FOXN3: variants seen among roughly 807,000 people sequenced by gnomAD.
FOXN3 encodes forkhead box N3, also known as forkhead box protein N3.
Under a neutral mutation model 38.4 loss-of-function variants are expected in FOXN3, and 7 were observed. The observed-to-expected ratio is 0.18, with a 90% confidence interval of 0.10 to 0.34. The LOEUF is 0.34. Ranked by LOEUF, FOXN3 falls within the 10% of genes least tolerant of loss-of-function variation. FOXN3 has a pLI of 1.00. For synonymous variants in FOXN3, 230 were observed against 242.2 expected (o/e 0.95, Z 0.47); for missense variants, 456 against 613.4 (o/e 0.74, Z 2.71).
At chr14:89,308,593 G>A (rs983089609) in intron 3 of FOXN3, among the ~76,000 whole-genome samples, 3 of 152,174 alleles carry the variant, frequency 2.0e-5, no homozygotes, top group African/African-American at 4.8e-5. Context: ...CACATCCGTG[G>A]CCACATACTA....
At chr14:89,219,962 C>T (rs1160195861) in intron 4 of FOXN3, among the ~76,000 whole-genome samples, 1 of 152,140 alleles carries the variant, frequency 6.6e-6, no homozygotes, top group Non-Finnish European at 1.5e-5. Flanking sequence ...CAGAACTAAT[C>T]ATCGGTCTGC....
chr14:89,466,864 G>A (rs10147837), intron 1 of FOXN3, among the ~76,000 whole-genome samples: 4,858 of 152,294 alleles, frequency 0.032, 247 homozygotes, highest in African/African-American at 0.11. Context: ...CAAGGTGGGG[G>A]CACACTGCTT....
intron 4 of FOXN3, chr14:89,190,490 G>T: frequency 1.3e-6 from 2 of 1,531,114 alleles, no homozygotes; most frequent in Non-Finnish European, 9.0e-7. Context: ...TTACAACGGG[G>T]CCGGTGTGTG....
chr14:89,231,911 A>C (rs1403407448), intron 4 of FOXN3, among the ~76,000 whole-genome samples: 1 of 152,180 alleles, frequency 6.6e-6, no homozygotes, highest in Non-Finnish European at 1.5e-5. Context: ...GCAGCAAATT[A>C]TGGCCACTGA....
chr14:89,485,378 A>G lies in FOXN3; in HGVS notation c.-14-72888T>C, dbSNP rs147611477. 3.4e-3 allele frequency among the ~76,000 whole-genome samples: 518 copies of G among 152,134 alleles called. 4 individuals carry two copies. Among genetic ancestry groups the G allele is most frequent in the African/African-American group, 0.012 (496 of 41,512 alleles). ...CTGGATGAGCTCCCAGCCTTACTTT[A>G]TAAATGCGTGTTCTTAACTTATGCT... On this transcript the variant is annotated intron_variant, in intron 1 of 6. Transcript: ENST00000345097.
At chr14:89,372,918 C>A (rs373587573) in intron 2 of FOXN3, among the ~76,000 whole-genome samples, 3 of 152,148 alleles carry the variant, frequency 2.0e-5, no homozygotes, top group African/African-American at 7.2e-5. Flanking sequence ...ACCTGTAATT[C>A]CAGCGCTTAG....
At position 89,164,970 on chromosome 14, in the gene FOXN3, A is replaced by T. The variant is rs932697184; in HGVS notation, c.852-2001T>A. ...CCCCAGGGCCGGTGGTATTTTGCTA[A>T]ATTTAGGCTGGGGGAGAGACTCCGT... On this transcript the variant is annotated intron_variant, in intron 5 of 5. Coordinates refer to ENST00000557258, the MANE Select transcript of FOXN3 (RefSeq NM_005197.4). The surrounding 1 kb of genome is among the most constrained non-coding windows in gnomAD (Gnocchi z 4.3). Among the ~76,000 whole-genome samples the T allele has an allele frequency of 6.6e-6, 1 of 152,098 alleles. No homozygotes were observed.
chr14:89,322,136 A>G (rs1337013370), intron 3 of FOXN3, among the ~76,000 whole-genome samples: 1 of 152,214 alleles, frequency 6.6e-6, no homozygotes, highest in Admixed American at 6.5e-5. Flanking sequence ...TGGGAGGGGC[A>G]GCATGCCAGG....
At chr14:89,345,489 AT>A (rs1248415161) in intron 3 of FOXN3, among the ~76,000 whole-genome samples, 2 of 151,976 alleles carry the variant, frequency 1.3e-5, no homozygotes, top group Admixed American at 6.6e-5. Context: ...GTATACTACT[AT>A]TTTTTTATTT....
rs767871986 is a variant in FOXN3, at chr14:89,163,357, T to C, written c.852-388A>G. On this transcript the variant is annotated intron_variant, in intron 5 of 5. Coordinates refer to ENST00000557258, the MANE Select transcript of FOXN3 (RefSeq NM_005197.4). This position sits in a 1 kb window ranked among gnomAD's most constrained non-coding sequence, Gnocchi z 4.3. ...CCGCCAGACGATGTTGGCTGGGTAC[T>C]TCAGAGAAAAAAGCCTGCTCTCGTC... Among the ~76,000 whole-genome samples, 4 of 152,188 alleles carry C rather than the reference T, an allele frequency of 2.6e-5. No homozygotes were observed. The highest frequency in any genetic ancestry group is 5.9e-5 in the Non-Finnish European group (4 of 68,042).
intron 4 of FOXN3, among the ~76,000 whole-genome samples, chr14:89,222,662 G>A (rs1301830323): frequency 2.0e-5 from 3 of 152,066 alleles, no homozygotes; most frequent in Non-Finnish European, 2.9e-5. Flanking sequence ...TCAGCAAGCC[G>A]GGAAGGCAGC....
At chr14:89,285,099 G>T (rs187911134) in intron 3 of FOXN3, among the ~76,000 whole-genome samples, 3,129 of 152,262 alleles carry the variant, frequency 0.021, 56 homozygotes, top group Non-Finnish European at 0.03. Context: ...CCAAGACCCT[G>T]GAAGGTTCCG....
intron 5 of FOXN3, among the ~76,000 whole-genome samples, chr14:89,173,351 C>G (rs925155354): frequency 2.5e-4 from 38 of 152,108 alleles, no homozygotes; most frequent in African/African-American, 8.9e-4. Flanking sequence ...CCATCACACT[C>G]TGCTGGTGGC....
chr14:89,226,641 A>G (rs1596115643), intron 4 of FOXN3, among the ~76,000 whole-genome samples: 1 of 152,002 alleles, frequency 6.6e-6, no homozygotes, highest in South Asian at 2.1e-4. Context: ...GCCTCCCCCA[A>G]CCCCAATTCA....
At chr14:89,253,219 T>C (rs1885514317) in intron 4 of FOXN3, among the ~76,000 whole-genome samples, 1 of 152,160 alleles carries the variant, frequency 6.6e-6, no homozygotes, top group African/African-American at 2.4e-5. Context: ...GAGCCTGAGT[T>C]TGGAAACTTC....
chr14:89,540,589 T>A (rs571697510), intron 1 of FOXN3, among the ~76,000 whole-genome samples: 21 of 151,470 alleles, frequency 1.4e-4, no homozygotes, highest in Non-Finnish European at 3.1e-4. Context: ...AAAAAAAAAA[T>A]TTAGCCGAGC....
intron 1 of FOXN3, among the ~76,000 whole-genome samples, chr14:89,543,839 T>C (rs557568546): frequency 1.3e-5 from 2 of 152,258 alleles, no homozygotes; most frequent in African/African-American, 4.8e-5. Flanking sequence ...TACTGGGTGA[T>C]AAATCTCTTC....
At chr14:89,345,736 T>C (rs912999398) in intron 3 of FOXN3, among the ~76,000 whole-genome samples, 1 of 152,218 alleles carries the variant, frequency 6.6e-6, no homozygotes, top group Non-Finnish European at 1.5e-5. Flanking sequence ...TCCATTGGTT[T>C]TCCATTCCTG....
At chr14:89,191,498 G>T (rs1292457875) in intron 4 of FOXN3, among the ~76,000 whole-genome samples, 1 of 152,210 alleles carries the variant, frequency 6.6e-6, no homozygotes, top group African/African-American at 2.4e-5. Context: ...AATGACTAAT[G>T]ATGGGGGACA....
Sources: gnomAD v4.1 joint callset for allele counts (sites outside exome capture counted in the v4.1 genomes callset) on GRCh38, gnomAD v4.1.1 for gene constraint, Gnocchi (gnomAD v3.1) non-coding constraint, MANE v1.5 for transcripts, NCBI Gene and HGNC (gene_info 2026-07-23, HGNC 2026-07-21) for gene names.